Variants in AKAP6 observed in about 807,000 individuals in gnomAD.
The protein encoded by AKAP6 is A-kinase anchor protein 6.
AKAP6 carries 58 observed loss-of-function variants against 188.5 expected under a neutral mutation model. That is an observed-to-expected ratio of 0.31 (90% CI 0.25 to 0.38). The LOEUF is 0.38. AKAP6 is among the 10% of genes least tolerant of loss of function. The pLI is 1.00. For synonymous variants in AKAP6, 989 were observed against 998.6 expected (o/e 0.99, Z 0.18); for missense variants, 2,710 against 2,740.0 (o/e 0.99, Z 0.24).
At chr14:32,709,893 T>A (rs565714638) in intron 9 of AKAP6, among the ~76,000 whole-genome samples, 10 of 151,996 alleles carry the variant, frequency 6.6e-5, no homozygotes, top group Admixed American at 3.3e-4. Context: ...GTGAAAAAAA[T>A]TTTTTTAAGT....
chr14:32,471,885 G>A (rs529096783), intron 2 of AKAP6, among the ~76,000 whole-genome samples: 6 of 152,306 alleles, frequency 3.9e-5, no homozygotes, highest in Non-Finnish European at 7.4e-5. Flanking sequence ...TTCTGGGTCA[G>A]GATTTTTGTG....
intron 1 of AKAP6, among the ~76,000 whole-genome samples, chr14:32,358,548 G>T (rs1311524931): frequency 6.6e-6 from 1 of 152,100 alleles, no homozygotes; most frequent in Non-Finnish European, 1.5e-5. Flanking sequence ...TATGCAGTGA[G>T]CCAGAGCAGT....
intron 11 of AKAP6, among the ~76,000 whole-genome samples, chr14:32,736,987 G>T (rs2031457964): frequency 6.6e-6 from 1 of 152,148 alleles, no homozygotes; most frequent in African/African-American, 2.4e-5. Flanking sequence ...GACTAAACTG[G>T]AAGTTAAAGT....
intron 12 of AKAP6, among the ~76,000 whole-genome samples, chr14:32,786,141 A>T (rs1594943470): frequency 6.6e-6 from 1 of 152,098 alleles, no homozygotes; most frequent in East Asian, 1.9e-4. Context: ...TTTTCCACAA[A>T]TGCCAGCAGC....
At chr14:32,758,406 A>C (rs180984728) in intron 11 of AKAP6, among the ~76,000 whole-genome samples, 56 of 152,332 alleles carry the variant, frequency 3.7e-4, no homozygotes, top group African/African-American at 1.3e-3. Context: ...TGTAAAATAT[A>C]GGTAATAAAC....
At chr14:32,479,730 G>A (rs560375348) in intron 2 of AKAP6, among the ~76,000 whole-genome samples, 6 of 152,236 alleles carry the variant, frequency 3.9e-5, no homozygotes, top group Admixed American at 1.3e-4. Context: ...TGAGGGTGGA[G>A]CCCTTATAAG....
chr14:32,732,423 AATG>A (rs2031218369), intron 9 of AKAP6, 28 bp from the exon 10 acceptor site: 1 of 1,597,982 alleles, frequency 6.3e-7, no homozygotes, highest in Non-Finnish European at 8.5e-7. Context: ...CTCTCTCCCT[AATG>A]ATATCTCTTT....
intron 7 of AKAP6, among the ~76,000 whole-genome samples, chr14:32,628,533 T>TGAA (rs1887119630): frequency 6.6e-6 from 1 of 152,080 alleles, no homozygotes; most frequent in Non-Finnish European, 1.5e-5. Context: ...CCTGGACCAC[T>TGAA]GAAAGGTTTA....
intron 5 of AKAP6, among the ~76,000 whole-genome samples, chr14:32,583,805 C>T (rs760169872): frequency 1.2e-4 from 18 of 149,494 alleles, no homozygotes; most frequent in South Asian, 2.1e-4. Context: ...TCTCCCGGTG[C>T]GCCGTTTTTT....
At chr14:32,735,503 G>A (rs959788177) in intron 10 of AKAP6, among the ~76,000 whole-genome samples, 155 bp from the exon 11 acceptor site, 7 of 152,142 alleles carry the variant, frequency 4.6e-5, no homozygotes, top group African/African-American at 1.4e-4. Flanking sequence ...TGAGGTGGCA[G>A]GTATAGATGG....
intron 1 of AKAP6, among the ~76,000 whole-genome samples, chr14:32,422,405 G>A (rs772531842): frequency 1.6e-4 from 24 of 152,140 alleles, no homozygotes; most frequent in Non-Finnish European, 2.8e-4. Flanking sequence ...TGTAGCAAAA[G>A]GATACAAATA....
intron 7 of AKAP6, among the ~76,000 whole-genome samples, chr14:32,641,046 C>T (rs1308553799): frequency 6.6e-6 from 1 of 151,986 alleles, no homozygotes. Context: ...TCATGGATAC[C>T]ATATTTAATG....
chr14:32,666,689 G>A (rs528427728), intron 7 of AKAP6, among the ~76,000 whole-genome samples: 15 of 152,054 alleles, frequency 9.9e-5, no homozygotes, highest in African/African-American at 3.6e-4. Context: ...CCTTAATATA[G>A]AGTCTTATGC....
In AKAP6 at chr14:32,763,398, G is replaced by A. The variant is rs1193123083; in HGVS notation, c.3373-10280G>A. Among the ~76,000 whole-genome samples the A allele has an allele frequency of 1.3e-4, 20 of 152,120 alleles. 2 individuals are homozygous for A. The South Asian group carries it at 2.5e-3, about 19-fold the overall frequency. On this transcript the variant is annotated intron_variant, in intron 11 of 13. Coordinates refer to ENST00000280979, the MANE Select transcript of AKAP6 (RefSeq NM_004274.5). ...GGTTAACTAGAAAAGTTTCATAAAC[G>A]TTTTTCTACAAATGGTCCTGAAGAC... is the stretch of plus-strand genomic sequence containing the variant.
At chr14:32,415,868 C>G (rs1889640047) in intron 1 of AKAP6, among the ~76,000 whole-genome samples, 1 of 152,142 alleles carries the variant, frequency 6.6e-6, no homozygotes, top group South Asian at 2.1e-4. Flanking sequence ...TCAGATTTTC[C>G]TTCCTTTTTA....
chr14:32,417,035 T>G (rs1227194009), intron 1 of AKAP6, among the ~76,000 whole-genome samples: 1 of 152,066 alleles, frequency 6.6e-6, no homozygotes, highest in African/African-American at 2.4e-5. Flanking sequence ...AGAGGTGGAG[T>G]TTGACTGTGT....
intron 2 of AKAP6, among the ~76,000 whole-genome samples, chr14:32,465,375 T>C (rs1366220341): frequency 4.5e-5 from 3 of 65,978 alleles, no homozygotes; most frequent in African/African-American, 5.6e-4. Context: ...AGCGTGGTAC[T>C]GGTACCAAAA....
chr14:32,618,343 C>T (rs1447956293), intron 7 of AKAP6, among the ~76,000 whole-genome samples: 4 of 152,226 alleles, frequency 2.6e-5, no homozygotes, highest in African/African-American at 4.8e-5. Flanking sequence ...CCTTCTCCTT[C>T]GTCCTACCCT....
chr14:32,521,711 T>C (rs1027928970), intron 2 of AKAP6, among the ~76,000 whole-genome samples: 1 of 152,144 alleles, frequency 6.6e-6, no homozygotes, highest in African/African-American at 2.4e-5. Flanking sequence ...TGGAAGAACA[T>C]TCCATGCTCA....
Sources: gnomAD v4.1 joint callset for allele counts (sites outside exome capture counted in the v4.1 genomes callset) on GRCh38, gnomAD v4.1.1 for gene constraint, MANE v1.5 for transcripts, NCBI Gene and HGNC (gene_info 2026-07-23, HGNC 2026-07-21) for gene names.